Variants in IQCM observed in about 807,000 individuals in gnomAD.
IQCM encodes IQ motif containing M.
A neutral mutation model predicts 57.6 loss-of-function variants in IQCM; 45 were observed. That is an observed-to-expected ratio of 0.78 (90% confidence interval 0.62 to 1.00). The LOEUF is 1.00. Among genes scored for constraint, IQCM ranks in the 50% least tolerant of loss-of-function variants. The pLI is 0.00. For synonymous variants in IQCM, 148 were observed against 158.9 expected, an observed-to-expected ratio of 0.93 and a Z score of 0.51; for missense variants, 468 against 511.6, an observed-to-expected ratio of 0.91 and a Z score of 0.82.
intron 4 of IQCM, 110 bp downstream of exon 4, chr4:149,735,266 T>C: frequency 2.1e-6 from 1 of 473,370 alleles, no homozygotes; most frequent in Non-Finnish European, 3.4e-6. Context: ...AATTCTATTC[T>C]CTTTTCTATT....
chr4:149,472,199 C>T (rs892776183), intron 12 of IQCM, among the ~76,000 whole-genome samples: 1 of 152,166 alleles, frequency 6.6e-6, no homozygotes, highest in Admixed American at 6.5e-5. Context: ...TTGCAGCTGA[C>T]ATGGTTGTAT....
chr4:149,505,779 A>G (rs989823379), intron 12 of IQCM, among the ~76,000 whole-genome samples: 2 of 152,142 alleles, frequency 1.3e-5, no homozygotes, highest in Non-Finnish European at 2.9e-5. Context: ...TTCTCTATCT[A>G]GAAAATCAAT....
intron 2 of IQCM, among the ~76,000 whole-genome samples, chr4:149,787,058 C>A (rs1772140421): frequency 6.6e-6 from 1 of 152,134 alleles, no homozygotes; most frequent in Admixed American, 6.5e-5. Context: ...AGCCATCATC[C>A]TCAGCAAACT....
chr4:149,616,153 T>A (rs1244655986), intron 8 of IQCM, among the ~76,000 whole-genome samples: 1 of 152,190 alleles, frequency 6.6e-6, no homozygotes, highest in African/African-American at 2.4e-5. Flanking sequence ...ACACCCATGT[T>A]CGTGGCAACA....
chr4:149,667,998 A>C (rs2150170128), intron 7 of IQCM, among the ~76,000 whole-genome samples: 1 of 152,238 alleles, frequency 6.6e-6, no homozygotes, highest in East Asian at 1.9e-4. Flanking sequence ...GTTGGAAAAC[A>C]CTCTTCAGGA....
intron 12 of IQCM, among the ~76,000 whole-genome samples, chr4:149,504,567 A>T (rs1331904320): frequency 1.3e-5 from 2 of 152,062 alleles, no homozygotes; most frequent in African/African-American, 4.8e-5. Flanking sequence ...GCCTTTGGTA[A>T]GTGACTAGGT....
chr4:149,767,843 A>C (rs1206446265), intron 2 of IQCM, among the ~76,000 whole-genome samples: 1 of 152,160 alleles, frequency 6.6e-6, no homozygotes, highest in Non-Finnish European at 1.5e-5. Flanking sequence ...TGAAAAATAC[A>C]AAGAGAATAA....
rs182418043 is a variant in IQCM at position 149,573,524 on chromosome 4, C to G, written c.750-9634G>C. Among the ~76,000 whole-genome samples, 5 of 151,896 alleles carry G rather than the reference C, an allele frequency of 3.3e-5. No homozygotes were observed. The South Asian group carries it at 8.3e-4, about 25-fold the overall frequency. On this transcript the variant is annotated intron_variant, in intron 9 of 13. Transcript: ENST00000636793. ...GTTCATATTTCCTGAAATAGGCTAGCGTTCACTGTGTAAAGTAAAAGTTTA... is the reference window on the plus strand; with the variant it reads ...GTTCATATTTCCTGAAATAGGCTAGGGTTCACTGTGTAAAGTAAAAGTTTA...
intron 9 of IQCM, among the ~76,000 whole-genome samples, chr4:149,578,281 A>C (rs1163284077): frequency 1.3e-5 from 2 of 151,748 alleles, no homozygotes; most frequent in Non-Finnish European, 2.9e-5. Context: ...TTAATATATA[A>C]TGCATTTTAG....
intron 7 of IQCM, among the ~76,000 whole-genome samples, chr4:149,625,680 G>C (rs1432683899): frequency 6.6e-6 from 1 of 152,266 alleles, no homozygotes; most frequent in African/African-American, 2.4e-5. Context: ...GGAGGAAGTC[G>C]AGAGTGAAGT....
chr4:149,711,872 G>A (rs559946919), intron 5 of IQCM, among the ~76,000 whole-genome samples: 6 of 152,242 alleles, frequency 3.9e-5, no homozygotes, highest in Admixed American at 2.0e-4. Flanking sequence ...CATGTTATAT[G>A]TCTTTGTGAA....
At chr4:149,517,897 G>C (rs1745149803) in intron 12 of IQCM, among the ~76,000 whole-genome samples, 1 of 152,054 alleles carries the variant, frequency 6.6e-6, no homozygotes, top group Admixed American at 6.6e-5. Context: ...GCTTGTAGAT[G>C]GCCTATTGTG....
intron 8 of IQCM, among the ~76,000 whole-genome samples, chr4:149,606,112 T>C (rs1754753587): frequency 6.6e-6 from 1 of 152,160 alleles, no homozygotes; most frequent in African/African-American, 2.4e-5. Flanking sequence ...GTATTTGCTG[T>C]GGGCCTTGGG....
intron 12 of IQCM, among the ~76,000 whole-genome samples, chr4:149,543,955 T>C (rs751879242): frequency 1.3e-5 from 2 of 152,150 alleles, no homozygotes; most frequent in Non-Finnish European, 2.9e-5. Flanking sequence ...TACTAGGATA[T>C]AGCAGTGGCA....
intron 7 of IQCM, among the ~76,000 whole-genome samples, chr4:149,624,840 T>A (rs530213944): frequency 6.6e-6 from 1 of 152,294 alleles, no homozygotes; most frequent in Non-Finnish European, 1.5e-5. Context: ...AGAAGCAAGT[T>A]CAAATGAAAA....
intron 7 of IQCM, among the ~76,000 whole-genome samples, chr4:149,666,838 C>G (rs913978478): frequency 1.3e-5 from 2 of 152,136 alleles, no homozygotes; most frequent in Non-Finnish European, 2.9e-5. Context: ...GAGGCCACCA[C>G]AGCACCACAA....
chr4:149,563,584 CT>C, intron 10 of IQCM, 107 bp downstream of exon 10: 1 of 782,606 alleles, frequency 1.3e-6, no homozygotes. Context: ...AAAACTCTAT[CT>C]CCAAAAAAAA....
intron 12 of IQCM, among the ~76,000 whole-genome samples, chr4:149,480,650 G>A (rs1264419895): frequency 6.6e-6 from 1 of 151,894 alleles, no homozygotes; most frequent in Non-Finnish European, 1.5e-5. Flanking sequence ...TTTTCTTTAG[G>A]CATTCATCCA....
At chr4:149,492,214 C>G (rs142711086) in intron 12 of IQCM, among the ~76,000 whole-genome samples, 5 of 152,014 alleles carry the variant, frequency 3.3e-5, no homozygotes, top group Non-Finnish European at 5.9e-5. Flanking sequence ...TTTCTCTTTA[C>G]AGTGACTGCA....
Sources: gnomAD v4.1 joint callset for allele counts (sites outside exome capture counted in the v4.1 genomes callset) on GRCh38, gnomAD v4.1.1 for gene constraint, MANE v1.5 for transcripts, NCBI Gene and HGNC (gene_info 2026-07-23, HGNC 2026-07-21) for gene names.